Variants in KCNQ5 observed in about 807,000 individuals in gnomAD.
KCNQ5 encodes potassium voltage-gated channel subfamily Q member 5, also known as potassium voltage-gated channel subfamily KQT member 5.
KCNQ5 carries 30 observed loss-of-function variants against 98.2 expected under a neutral mutation model. The observed-to-expected ratio is 0.31, with a 90% CI of 0.23 to 0.41. The LOEUF is 0.41. KCNQ5 is among the 10% of genes least tolerant of loss of function. The probability of loss-of-function intolerance (pLI) is 1.00; values close to 1 mark genes in which losing one functional copy is unlikely to be tolerated. For missense variants in KCNQ5, 835 were observed against 1,182.5 expected, an observed-to-expected ratio of 0.71 and a Z score of 4.31; for synonymous variants, 458 against 449.4, an observed-to-expected ratio of 1.02 and a Z score of -0.24.
rs112153980 is a variant in KCNQ5 at position 73,083,149 on chromosome 6, C to T, written c.918+5262C>T. On this transcript the variant is annotated intron_variant, in intron 5 of 13. Coordinates refer to ENST00000370398, the MANE Select transcript of KCNQ5 (RefSeq NM_019842.4). ...GTTCAAGCAATCTGTCTGCCTTGGC[C>T]TCCCAAAGTGCTGGGATTACAGGCG... Among the ~76,000 whole-genome samples the T allele has an allele frequency of 9.7e-3, 1,474 of 152,274 alleles. 25 individuals carry two copies. The highest frequency in any genetic ancestry group is 0.033 in the African/African-American group (1,388 of 41,554).
At chr6:72,674,676 A>G (rs1191692250) in intron 1 of KCNQ5, among the ~76,000 whole-genome samples, 1 of 152,140 alleles carries the variant, frequency 6.6e-6, no homozygotes, top group Non-Finnish European at 1.5e-5. Flanking sequence ...AGGCTGAGGC[A>G]CGAGAATTGC....
At chr6:72,764,432 A>C (rs1772457157) in intron 1 of KCNQ5, among the ~76,000 whole-genome samples, 1 of 151,978 alleles carries the variant, frequency 6.6e-6, no homozygotes, top group Non-Finnish European at 1.5e-5. Context: ...TGAACAAGGA[A>C]AGCACAATCC....
intron 9 of KCNQ5, among the ~76,000 whole-genome samples, chr6:73,133,203 T>A (rs569710161): frequency 5.9e-5 from 9 of 152,148 alleles, no homozygotes; most frequent in Non-Finnish European, 1.0e-4. Context: ...CCAAGAAGGA[T>A]GTATGTACCT....
intron 9 of KCNQ5, among the ~76,000 whole-genome samples, chr6:73,127,101 A>G (rs1776021489): frequency 6.6e-6 from 1 of 152,232 alleles, no homozygotes; most frequent in Admixed American, 6.5e-5. Context: ...GGCTATTGTA[A>G]TAACAATAGC....
intron 1 of KCNQ5, among the ~76,000 whole-genome samples, chr6:72,994,366 G>C (rs1338084855): frequency 1.7e-5 from 1 of 57,398 alleles, no homozygotes; most frequent in Non-Finnish European, 3.6e-5. Context: ...CTCGTGGTGC[G>C]CCGTTTCTTA....
intron 1 of KCNQ5, among the ~76,000 whole-genome samples, chr6:72,932,274 G>A (rs73753211): frequency 0.015 from 2,259 of 152,016 alleles, 53 homozygotes; most frequent in African/African-American, 0.051. Flanking sequence ...GCGTGTGTGC[G>A]TGTGTGTGTG....
chr6:72,947,057 C>T (rs1194962427), intron 1 of KCNQ5, among the ~76,000 whole-genome samples: 5 of 152,166 alleles, frequency 3.3e-5, no homozygotes, highest in African/African-American at 1.2e-4. Context: ...AGATGACTAA[C>T]ATCCATATAG....
intron 1 of KCNQ5, among the ~76,000 whole-genome samples, chr6:72,969,629 C>T (rs139609256): frequency 3.2e-4 from 48 of 152,250 alleles, no homozygotes; most frequent in African/African-American, 1.1e-3. Context: ...TACGACTGGA[C>T]AGATTGTTTA....
At chr6:72,693,480 C>A (rs1261910403) in intron 1 of KCNQ5, among the ~76,000 whole-genome samples, 1 of 152,036 alleles carries the variant, frequency 6.6e-6, no homozygotes, top group Non-Finnish European at 1.5e-5. Context: ...CATAACAAAG[C>A]TGTTAGTGAT....
In KCNQ5 at chr6:72,958,524, A is replaced by G. The variant is rs569244587; in HGVS notation, c.399-45384A>G. Among the ~76,000 whole-genome samples, 10 of 152,302 alleles carry G rather than the reference A, an allele frequency of 6.6e-5. No individual in the cohort carries two copies. In the East Asian group the frequency reaches 1.9e-3, roughly 29 times the overall value. ...TGCTCACTTTCTAGGCTCTCACTTT[A>G]AGTGTCTATCTGTAAGCTATTAAAG... On this transcript the variant is annotated intron_variant, in intron 1 of 13. Transcript: ENST00000370398.
At position 72,768,542 on chromosome 6, in the gene KCNQ5, G is replaced by A. The variant is rs1406550437; in HGVS notation, c.398+145955G>A. ...AGAAAGAGAAATTGATGGTACAAAT[G>A]GGAGATAGAGGATAATTATTGAAGT... On this transcript the variant is annotated intron_variant, in intron 1 of 13. Transcript: ENST00000370398. Among the ~76,000 whole-genome samples, 4 of 152,030 alleles carry A rather than the reference G, an allele frequency of 2.6e-5. No individual in the cohort carries two copies. In the South Asian group the frequency reaches 8.3e-4, roughly 32 times the overall value.
intron 2 of KCNQ5, among the ~76,000 whole-genome samples, chr6:73,026,590 G>A (rs1230763275): frequency 6.6e-6 from 1 of 151,928 alleles, no homozygotes; most frequent in Non-Finnish European, 1.5e-5. Context: ...GTATCCCAAT[G>A]TACTTGTTCA....
At chr6:72,752,347 A>C (rs1456007686) in intron 1 of KCNQ5, among the ~76,000 whole-genome samples, 3 of 152,152 alleles carry the variant, frequency 2.0e-5, no homozygotes, top group Admixed American at 1.3e-4. Context: ...CAGGAAAAAC[A>C]ACCTCAGACA....
At chr6:72,670,855 A>G (rs1456286823) in intron 1 of KCNQ5, among the ~76,000 whole-genome samples, 4 of 152,194 alleles carry the variant, frequency 2.6e-5, no homozygotes, top group Non-Finnish European at 5.9e-5. Context: ...GACATAAACA[A>G]GGACATAAGA....
chr6:72,834,232 A>G (rs192913739), intron 1 of KCNQ5, among the ~76,000 whole-genome samples: 33 of 152,282 alleles, frequency 2.2e-4, no homozygotes, highest in African/African-American at 7.5e-4. Flanking sequence ...AAAAAGAAAA[A>G]AAAGACTTTC....
intron 2 of KCNQ5, among the ~76,000 whole-genome samples, chr6:73,033,741 C>T (rs1033341261): frequency 2.0e-5 from 3 of 151,944 alleles, no homozygotes; most frequent in East Asian, 1.9e-4. Context: ...TACCCACCCC[C>T]GAAGCATCTA....
At chr6:72,889,248 G>T (rs1398457406) in intron 1 of KCNQ5, among the ~76,000 whole-genome samples, 1 of 152,134 alleles carries the variant, frequency 6.6e-6, no homozygotes, top group Non-Finnish European at 1.5e-5. Flanking sequence ...GAGTGTGATT[G>T]TGCTTGGTGT....
chr6:72,764,246 A>T (rs1257888720), intron 1 of KCNQ5, among the ~76,000 whole-genome samples: 1 of 152,018 alleles, frequency 6.6e-6, no homozygotes, highest in Non-Finnish European at 1.5e-5. Flanking sequence ...CAACAAAAAC[A>T]AAAATAAAAA....
At chr6:72,700,982 A>C (rs1296757751) in intron 1 of KCNQ5, among the ~76,000 whole-genome samples, 1 of 152,248 alleles carries the variant, frequency 6.6e-6, no homozygotes, top group Non-Finnish European at 1.5e-5. Context: ...CACTCTTCTG[A>C]CATGCGACTA....
Sources: allele counts gnomAD v4.1 joint callset (sites outside exome capture counted in the v4.1 genomes callset), GRCh38; gene constraint gnomAD v4.1.1; transcripts MANE v1.5; gene names NCBI Gene and HGNC (gene_info 2026-07-23, HGNC 2026-07-21).